BARX2: variants seen among roughly 807,000 people sequenced by gnomAD.
BARX2 encodes the protein BARX homeobox 2, also known as homeobox protein BarH-like 2.
Under a neutral mutation model 25.5 loss-of-function variants are expected in BARX2, and 11 were observed. That is an observed-to-expected ratio of 0.43 (90% CI 0.27 to 0.71). The LOEUF (loss-of-function observed/expected upper bound fraction) is 0.71. Among genes scored for constraint, BARX2 ranks in the 30% least tolerant of loss-of-function variants. The pLI is 0.19. For synonymous variants in BARX2, 137 were observed against 149.5 expected (o/e 0.92, Z 0.61); for missense variants, 360 against 359.9 (o/e 1.00, Z 0.00).
At chr11:129,424,719 G>C (rs1862044609) in intron 1 of BARX2, among the ~76,000 whole-genome samples, 1 of 152,220 alleles carries the variant, frequency 6.6e-6, no homozygotes, top group Non-Finnish European at 1.5e-5. Context: ...ACAGAGCTGA[G>C]TAGCTGTTCA....
chr11:129,451,592 G>A lies in BARX2; in HGVS notation c.*190G>A, dbSNP rs1213003806. On this transcript the variant is annotated 3_prime_UTR_variant, in exon 4 of 4. Coordinates refer to ENST00000281437, the MANE Select transcript of BARX2 (RefSeq NM_003658.5). Reference sequence around the variant, plus strand: ...ATTTGACAAAGACTTGCTTGTCTTGGGCCTGTCACCTCCTGAAAGGCTGCT... The same window carrying A: ...ATTTGACAAAGACTTGCTTGTCTTGAGCCTGTCACCTCCTGAAAGGCTGCT... 3 of 702,262 alleles carry A rather than the reference G, an allele frequency of 4.3e-6. No individual in the cohort carries two copies. The highest frequency in any genetic ancestry group is 2.8e-5 in the East Asian group (1 of 36,082). The allele number at this position is 702,262 out of a possible 1,614,324, so 43.5% of individuals were successfully genotyped here.
Position 129,442,979 on chromosome 11 carries a change from C to G in BARX2, c.573+60C>G. ...GATGGGAAGGACTTTTACTCCAGGG[C>G]TGTTGGGAGGGAGGCCGGACCATTT... On this transcript the variant is annotated intron_variant, in intron 3 of 3. Coordinates refer to ENST00000281437, the MANE Select transcript of BARX2 (RefSeq NM_003658.5). 6 of 1,486,514 alleles carry G rather than the reference C, an allele frequency of 4.0e-6. 1 individual carries two copies. The highest frequency in any genetic ancestry group is 1.7e-4 in the Middle Eastern group (1 of 5,772). 92.1% of individuals were successfully genotyped at this position (1,486,514 alleles called of 1,614,324 possible). A position where few individuals can be genotyped will look rare whatever the true frequency, so the allele number is the denominator to read the frequency against.
chr11:129,444,398 G>A (rs3019794), intron 3 of BARX2, among the ~76,000 whole-genome samples: 9 of 152,016 alleles, frequency 5.9e-5, no homozygotes, highest in African/African-American at 1.7e-4. Flanking sequence ...AAATGGAGGC[G>A]ACTTGGCTCA....
intron 1 of BARX2, among the ~76,000 whole-genome samples, chr11:129,419,088 G>A (rs1861975738): frequency 1.3e-5 from 2 of 152,196 alleles, no homozygotes; most frequent in South Asian, 2.1e-4. Flanking sequence ...GTGAGTGTGG[G>A]TGTACATGTG....
intron 1 of BARX2, among the ~76,000 whole-genome samples, chr11:129,424,354 A>T (rs2135405335): frequency 6.6e-6 from 1 of 152,308 alleles, no homozygotes; most frequent in South Asian, 2.1e-4. Flanking sequence ...CGTTGCAGAC[A>T]TCAGATTTCT....
chr11:129,425,809 C>T (rs1473403493), intron 1 of BARX2, among the ~76,000 whole-genome samples: 3 of 152,144 alleles, frequency 2.0e-5, no homozygotes, highest in Admixed American at 2.0e-4. Context: ...CTTCATTTTT[C>T]TAAATCTCCC....
intron 1 of BARX2, among the ~76,000 whole-genome samples, chr11:129,411,606 A>C (rs980038141): frequency 1.3e-5 from 2 of 152,214 alleles, no homozygotes; most frequent in African/African-American, 4.8e-5. Flanking sequence ...TTACATACCC[A>C]AAGACAGAAG....
intron 3 of BARX2, 68 bp downstream of exon 3, chr11:129,442,987 A>G (rs866130127): frequency 6.9e-7 from 1 of 1,444,910 alleles, no homozygotes; most frequent in Middle Eastern, 1.8e-4. Context: ...GGCTGTTGGG[A>G]GGGAGGCCGG....
chr11:129,425,466 A>G (rs1181654250), intron 1 of BARX2, among the ~76,000 whole-genome samples: 1 of 152,128 alleles, frequency 6.6e-6, no homozygotes, highest in African/African-American at 2.4e-5. Flanking sequence ...CATGGCCGGG[A>G]GGAGAAAGAC....
chr11:129,433,591 G>A (rs1420888784), intron 1 of BARX2, among the ~76,000 whole-genome samples: 2 of 152,142 alleles, frequency 1.3e-5, no homozygotes, highest in Non-Finnish European at 2.9e-5. Flanking sequence ...CTTTCTGCTG[G>A]TCTTTCAACC....
chr11:129,450,227 C>T lies in BARX2; in HGVS notation c.574-909C>T, dbSNP rs145621836. On this transcript the variant is annotated intron_variant, in intron 3 of 3. Coordinates refer to ENST00000281437, the MANE Select transcript of BARX2 (RefSeq NM_003658.5). Reference sequence around the variant, plus strand: ...AACTCTGCTGTACTACTTCTTCGAACGCTACAAGACTACATGTTTTATAAC... The same window carrying T: ...AACTCTGCTGTACTACTTCTTCGAATGCTACAAGACTACATGTTTTATAAC... 3.7e-4 allele frequency among the ~76,000 whole-genome samples: 57 copies of T among 152,274 alleles called. No homozygotes were observed. In the East Asian group the frequency reaches 6.4e-3, roughly 17 times the overall value.
intron 1 of BARX2, among the ~76,000 whole-genome samples, chr11:129,413,508 C>T (rs1245597246): frequency 6.6e-6 from 1 of 152,140 alleles, no homozygotes; most frequent in East Asian, 1.9e-4. Context: ...GTCTTGACTA[C>T]CATTTCATGG....
At chr11:129,401,453 T>G (rs1471467732) in intron 1 of BARX2, among the ~76,000 whole-genome samples, 1 of 152,174 alleles carries the variant, frequency 6.6e-6, no homozygotes, top group East Asian at 1.9e-4. Context: ...TTTTTAAAAA[T>G]TTTAGACTTC....
intron 1 of BARX2, among the ~76,000 whole-genome samples, chr11:129,385,107 C>A (rs1309000830): frequency 2.6e-5 from 4 of 152,276 alleles, no homozygotes; most frequent in African/African-American, 9.6e-5. Flanking sequence ...TATGAGATAC[C>A]ATTTCACACT....
At chr11:129,413,989 C>T (rs1281714461) in intron 1 of BARX2, among the ~76,000 whole-genome samples, 2 of 151,612 alleles carry the variant, frequency 1.3e-5, no homozygotes, top group African/African-American at 4.9e-5. Flanking sequence ...TGGCATGAAC[C>T]TGGGAGGCAG....
rs1861503749 is a variant in BARX2, at chr11:129,376,314, G to A, written c.187+92G>A. On this transcript the variant is annotated intron_variant, in intron 1 of 3. Transcript: ENST00000281437. The surrounding 1 kb of genome is among the most constrained non-coding windows in gnomAD (Gnocchi z 4.2). ...TTTGCGATCCGAGGGCGAGAGGAAG[G>A]GTTAAGTTAAGGGATTCTTTTCCTG... is the stretch of plus-strand genomic sequence containing the variant. 5 of 1,254,866 alleles carry A rather than the reference G, an allele frequency of 4.0e-6. No homozygotes were observed. Among genetic ancestry groups the A allele is most frequent in the Admixed American group, 2.4e-5 (1 of 41,498 alleles). The allele number at this position is 1,254,866 out of a possible 1,614,324, so 77.7% of individuals were successfully genotyped here.
intron 3 of BARX2, 143 bp from the exon 4 acceptor site, chr11:129,450,993 G>A (rs1862391611): frequency 2.1e-6 from 2 of 934,124 alleles, no homozygotes; most frequent in South Asian, 1.8e-5. Context: ...CAGAGGTGAT[G>A]GGTTGAGAAT....
chr11:129,384,374 A>G (rs1471923889), intron 1 of BARX2, among the ~76,000 whole-genome samples: 1 of 152,110 alleles, frequency 6.6e-6, no homozygotes, highest in Non-Finnish European at 1.5e-5. Context: ...AATAGTGGCT[A>G]TATTTCTGTC....
chr11:129,432,952 C>G (rs1862145804), intron 1 of BARX2, among the ~76,000 whole-genome samples: 1 of 152,036 alleles, frequency 6.6e-6, no homozygotes, highest in Admixed American at 6.5e-5. Context: ...AGAGTTCAGC[C>G]CTTGTATTTC....
Sources: gnomAD v4.1 joint callset for allele counts (sites outside exome capture counted in the v4.1 genomes callset) on GRCh38, gnomAD v4.1.1 for gene constraint, Gnocchi (gnomAD v3.1) non-coding constraint, MANE v1.5 for transcripts, NCBI Gene and HGNC (gene_info 2026-07-23, HGNC 2026-07-21) for gene names.